The following FGFR2 variants were observed in gnomAD, a reference collection of about 807,000 sequenced individuals.
FGFR2 encodes the protein fibroblast growth factor receptor 2.
FGFR2 carries 19 observed loss-of-function variants against 95.9 expected under a neutral mutation model. That is an observed-to-expected ratio of 0.20 (90% CI 0.14 to 0.29). The LOEUF (loss-of-function observed/expected upper bound fraction) is 0.29. FGFR2 is among the 10% of genes least tolerant of loss of function. The probability of loss-of-function intolerance (pLI) is 1.00; values close to 1 mark genes in which losing one functional copy is unlikely to be tolerated. For synonymous variants in FGFR2, 392 were observed against 393.3 expected (o/e 1.00, Z 0.04); for missense variants, 707 against 1,056.9 (o/e 0.67, Z 4.59).
At chr10:121,593,434 C>A (rs144837327) in intron 2 of FGFR2, among the ~76,000 whole-genome samples, 1 of 152,116 alleles carries the variant, frequency 6.6e-6, no homozygotes, top group Non-Finnish European at 1.5e-5. Context: ...CTCTCTCGGG[C>A]ACTGGATAAA....
intron 13 of FGFR2, among the ~76,000 whole-genome samples, chr10:121,491,818 C>T (rs1489478862): frequency 1.4e-5 from 2 of 147,934 alleles, no homozygotes; most frequent in South Asian, 2.2e-4. Context: ...TGCAGTGAGC[C>T]GAGATAGCGC....
intron 2 of FGFR2, chr10:121,565,936 T>C (rs1026233122): frequency 1.7e-6 from 1 of 591,270 alleles, no homozygotes; most frequent in African/African-American, 1.9e-5. Context: ...TTCCACATCC[T>C]ATGGGGCTTT....
chr10:121,556,291 C>A (rs1749967745), intron 4 of FGFR2, among the ~76,000 whole-genome samples: 1 of 152,114 alleles, frequency 6.6e-6, no homozygotes, highest in African/African-American at 2.4e-5. Context: ...TATGTGATTT[C>A]TTTTGACCCT....
rs140048718 is a variant in FGFR2, at chr10:121,521,312, C to T, written c.749-1143G>A. On this transcript the variant is annotated intron_variant, in intron 6 of 17. Transcript: ENST00000358487. ...TCACTTGTCTTGCCTCTCTCTCCTTCGAGAACACGTTCTCAACAAAGAATA... is the reference window on the plus strand; with the variant it reads ...TCACTTGTCTTGCCTCTCTCTCCTTTGAGAACACGTTCTCAACAAAGAATA... Among the ~76,000 whole-genome samples the T allele has an allele frequency of 3.2e-3, 481 of 152,314 alleles. 2 individuals carry two copies. The highest frequency in any genetic ancestry group is 8.2e-3 in the Admixed American group (125 of 15,308).
At chr10:121,509,482 CTTT>C (rs67778522) in intron 9 of FGFR2, among the ~76,000 whole-genome samples, 2 of 45,346 alleles carry the variant, frequency 4.4e-5, no homozygotes, top group Non-Finnish European at 7.6e-5. Flanking sequence ...TGTTTCTTTT[CTTT>C]TTTTTTTTTT....
intron 4 of FGFR2, among the ~76,000 whole-genome samples, chr10:121,556,131 CGGACGGATGGAT>C (rs963776299): frequency 1.3e-4 from 20 of 149,130 alleles, no homozygotes; most frequent in South Asian, 2.1e-4. Flanking sequence ...GATGGATGGA[CGGACGGATGGAT>C]GGACGGATGG....
chr10:121,573,839 G>A (rs939060933), intron 2 of FGFR2, among the ~76,000 whole-genome samples: 1 of 152,116 alleles, frequency 6.6e-6, no homozygotes, highest in African/African-American at 2.4e-5. Context: ...AATGGCCTTC[G>A]GTTCCCGGTG....
At chr10:121,579,704 AG>A (rs1480520560) in intron 2 of FGFR2, among the ~76,000 whole-genome samples, 4 of 152,228 alleles carry the variant, frequency 2.6e-5, no homozygotes, top group African/African-American at 9.6e-5. Context: ...AGCAGGGCTC[AG>A]GAGCCGGATA....
Position 121,478,821 on chromosome 10 carries a change from G to A in FGFR2, c.*1036C>T, listed in dbSNP as rs909444718. 1 of 233,674 alleles carries A rather than the reference G, an allele frequency of 4.3e-6. No individual in the cohort carries two copies. Among genetic ancestry groups the A allele is most frequent in the African/African-American group, 2.2e-5 (1 of 45,482 alleles). 14.5% of individuals were successfully genotyped at this position (233,674 alleles called of 1,614,324 possible). A position where few individuals can be genotyped will look rare whatever the true frequency, so the allele number is the denominator to read the frequency against. ...CTCAGAAGCAGAAGGCCAGCTGCCA[G>A]AGAGAAGCACATTCTGCTATCATTT... On this transcript the variant is annotated 3_prime_UTR_variant, in exon 18 of 18. Transcript: ENST00000358487.
rs1380926238 is a variant in FGFR2 at position 121,517,037 on chromosome 10, G to A, written c.1084+282C>T. Among the ~76,000 whole-genome samples the A allele has an allele frequency of 1.3e-5, 2 of 152,130 alleles. No homozygotes were observed. Among genetic ancestry groups the A allele is most frequent in the African/African-American group, 4.8e-5 (2 of 41,440 alleles). On this transcript the variant is annotated intron_variant, in intron 8 of 17. Transcript: ENST00000358487. This position sits in a 1 kb window ranked among gnomAD's most constrained non-coding sequence, Gnocchi z 4.7. ...GGCAACTTGTTCCTTAAGAGAAAGG[G>A]GGATGGGCTAATTTATACATTGGCT...
rs2134051916 is a variant in FGFR2 at position 121,503,771 on chromosome 10, G to A, written c.1439+19C>T. 1 of 1,613,700 alleles carries A rather than the reference G, an allele frequency of 6.2e-7. No homozygotes were observed. Among genetic ancestry groups the A allele is most frequent in the Middle Eastern group, 1.7e-4 (1 of 6,060 alleles). On this transcript the variant is annotated intron_variant, in intron 10 of 17. Transcript: ENST00000358487. ...TAGCTGAGTCTCCATCCTGGGACAT[G>A]GCCAAGAGAAGTACTCACTTATCTC...
intron 9 of FGFR2, among the ~76,000 whole-genome samples, chr10:121,505,099 G>A (rs1307145094): frequency 6.6e-6 from 1 of 152,222 alleles, no homozygotes; most frequent in Non-Finnish European, 1.5e-5. Context: ...GGCAAAGACT[G>A]AGTCCAGATG....
In FGFR2 at chr10:121,479,247, A is replaced by T. The variant is rs917768951; in HGVS notation, c.*610T>A. On this transcript the variant is annotated 3_prime_UTR_variant, in exon 18 of 18. Transcript: ENST00000358487. ...TTTGTATATTACCAATTTATTAATA[A>T]ATTAACGTTATACCATTTTCCCTGA... 1 of 236,034 alleles carries T rather than the reference A, an allele frequency of 4.2e-6. No homozygotes were observed. The highest frequency in any genetic ancestry group is 8.3e-6 in the Non-Finnish European group (1 of 120,186). 14.6% of individuals were successfully genotyped at this position (236,034 alleles called of 1,614,324 possible).
At chr10:121,508,301 C>A (rs1283761089) in intron 9 of FGFR2, among the ~76,000 whole-genome samples, 1 of 152,196 alleles carries the variant, frequency 6.6e-6, no homozygotes, top group Admixed American at 6.5e-5. Context: ...CAAGGATGGG[C>A]TGGGGTTCTA....
intron 2 of FGFR2, among the ~76,000 whole-genome samples, chr10:121,578,278 CCTCT>C (rs1860255137): frequency 6.6e-6 from 1 of 152,196 alleles, no homozygotes; most frequent in African/African-American, 2.4e-5. Context: ...GCCCCACATC[CCTCT>C]CTCTGACACT....
intron 6 of FGFR2, among the ~76,000 whole-genome samples, chr10:121,533,264 C>A (rs1670175086): frequency 6.6e-6 from 1 of 152,176 alleles, no homozygotes; most frequent in Admixed American, 6.5e-5. Flanking sequence ...GTGGCACATG[C>A]CTATAATCCC....
chr10:121,593,236 C>CT (rs1228635853), intron 2 of FGFR2, among the ~76,000 whole-genome samples: 1 of 152,160 alleles, frequency 6.6e-6, no homozygotes, highest in African/African-American at 2.4e-5. Flanking sequence ...TCTCTCTGTG[C>CT]TAAACTTCAG....
At chr10:121,569,010 G>A (rs1382569952) in intron 2 of FGFR2, among the ~76,000 whole-genome samples, 1 of 152,114 alleles carries the variant, frequency 6.6e-6, no homozygotes, top group African/African-American at 2.4e-5. Flanking sequence ...TGCAGGGTAA[G>A]AGTACCCAAA....
chr10:121,589,601 A>G (rs1344492771), intron 2 of FGFR2, among the ~76,000 whole-genome samples: 1 of 152,242 alleles, frequency 6.6e-6, no homozygotes, highest in Non-Finnish European at 1.5e-5. Flanking sequence ...CCAAATTTGA[A>G]TCAGAGAGAG....
Sources: allele counts gnomAD v4.1 joint callset (sites outside exome capture counted in the v4.1 genomes callset), GRCh38; gene constraint gnomAD v4.1.1; non-coding constraint Gnocchi (gnomAD v3.1); transcripts MANE v1.5; gene names NCBI Gene and HGNC (gene_info 2026-07-23, HGNC 2026-07-21).